Variants in AGR3 observed in about 807,000 individuals in gnomAD.
The protein encoded by AGR3 is anterior gradient protein 3.
AGR3 carries 37 observed loss-of-function variants against 24.5 expected under a neutral mutation model. The ratio of observed to expected loss-of-function variants is 1.51; its 90% CI spans 1.16 to 1.99. The LOEUF (loss-of-function observed/expected upper bound fraction) is 1.99, where lower values mean the gene tolerates loss of function less well. AGR3 is among the 30% of genes most tolerant of loss of function. The probability of loss-of-function intolerance (pLI) is 0.00; values close to 1 mark genes in which losing one functional copy is unlikely to be tolerated. For synonymous variants in AGR3, 75 were observed against 61.6 expected, an observed-to-expected ratio of 1.22 and a Z score of -1.02; for missense variants, 228 against 191.1, an observed-to-expected ratio of 1.19 and a Z score of -1.14.
chr7:16,879,816 A>G (rs891745062), intron 1 of AGR3, among the ~76,000 whole-genome samples: 4 of 152,218 alleles, frequency 2.6e-5, no homozygotes, highest in Non-Finnish European at 5.9e-5. Flanking sequence ...GGCAATTTTA[A>G]TCACCTAGTT....
rs548977586 is a variant in AGR3 at position 16,860,299 on chromosome 7, C to A, written c.451+201G>T. Among the ~76,000 whole-genome samples, 31 of 152,198 alleles carry A rather than the reference C, an allele frequency of 2.0e-4. No homozygotes were observed. The South Asian group carries it at 6.2e-3, about 31-fold the overall frequency. ...GCTCAGAATTTAGTAATCCTAAAAT[C>A]CCTTAGACATCCCTGTTAAAATAGA... On this transcript the variant is annotated intron_variant, in intron 7 of 7. Coordinates refer to ENST00000310398, the MANE Select transcript of AGR3 (RefSeq NM_176813.5).
At chr7:16,863,868 G>A (rs1399555359) in intron 3 of AGR3, among the ~76,000 whole-genome samples, 1 of 151,128 alleles carries the variant, frequency 6.6e-6, no homozygotes, top group Non-Finnish European at 1.5e-5. Context: ...TTTTTTTTAA[G>A]GCACGCAGTT....
At chr7:16,859,315 A>G (rs1477746954), downstream of AGR3, 6 of 337,302 alleles carry the variant, frequency 1.8e-5, no homozygotes, top group Non-Finnish European at 3.2e-5. Context: ...GACAAACTGT[A>G]TAGGCACCTC....
chr7:16,872,073 T>C (rs529975087), intron 3 of AGR3, among the ~76,000 whole-genome samples: 13 of 134,978 alleles, frequency 9.6e-5, no homozygotes, highest in Non-Finnish European at 1.7e-4. Flanking sequence ...AAAATACCAA[T>C]GATATTTTTC....
chr7:16,865,880 T>A, intron 3 of AGR3: 1 of 728,688 alleles, frequency 1.4e-6, no homozygotes. Flanking sequence ...GGTCGTTGTC[T>A]TTCCACATCC....
chr7:16,876,653 A>T (rs910166083), intron 2 of AGR3, among the ~76,000 whole-genome samples: 1 of 152,190 alleles, frequency 6.6e-6, no homozygotes, highest in Non-Finnish European at 1.5e-5. Flanking sequence ...ATGGTAAAAG[A>T]CTTTGCCAAA....
chr7:16,876,028 C>A (rs1781980441), intron 2 of AGR3, among the ~76,000 whole-genome samples: 1 of 152,156 alleles, frequency 6.6e-6, no homozygotes, highest in Non-Finnish European at 1.5e-5. Flanking sequence ...TCTGCTCCTG[C>A]TCAATTTAGT....
At chr7:16,873,643 A>T in intron 3 of AGR3, 137 bp downstream of exon 3, 1 of 657,210 alleles carries the variant, frequency 1.5e-6, no homozygotes, top group Non-Finnish European at 2.6e-6. Flanking sequence ...CAGGTGATGC[A>T]TATGCTAATT....
rs748761542 is a variant in AGR3 at position 16,873,801 on chromosome 7, CCTT to C, written c.149_151del (p.Glu50del). 3.1e-6 allele frequency: 5 copies of C among 1,612,968 alleles called. No homozygotes were observed. In the Admixed American group the frequency reaches 8.3e-5, roughly 27 times the overall value. Reference sequence around the variant, plus strand: ...TTACCTTTTTTGAGCATAAAAGAGACCTTCTTCATAAGTTTGTACCCAAGTGAT... The same window carrying C: ...TTACCTTTTTTGAGCATAAAAGAGACCTTCATAAGTTTGTACCCAAGTGAT... On this transcript the variant is annotated inframe_deletion, in exon 3 of 8. Transcript: ENST00000310398.
chr7:16,877,666 A>G (rs954595840), intron 2 of AGR3, among the ~76,000 whole-genome samples: 2 of 151,938 alleles, frequency 1.3e-5, no homozygotes. Flanking sequence ...GATCGAGACC[A>G]TCCTGGCTAA....
At chr7:16,865,680 G>T (rs944165602) in intron 3 of AGR3, 1 of 803,148 alleles carries the variant, frequency 1.2e-6, no homozygotes, top group Non-Finnish European at 2.3e-6. Context: ...CCAAGCATTT[G>T]TAACTTGTTA....
intron 5 of AGR3, among the ~76,000 whole-genome samples, chr7:16,861,757 T>C (rs71540773): frequency 0.2 from 30,115 of 151,546 alleles, 3,440 homozygotes; most frequent in East Asian, 0.38. Flanking sequence ...AAAAATTAGC[T>C]GGGCATGGTG....
intron 3 of AGR3, among the ~76,000 whole-genome samples, chr7:16,868,291 G>A (rs1450459876): frequency 6.6e-6 from 1 of 152,032 alleles, no homozygotes; most frequent in Non-Finnish European, 1.5e-5. Flanking sequence ...GAGTAGCTGG[G>A]ATTAAAGGCA....
At chr7:16,879,133 A>G (rs867859358) in intron 1 of AGR3, among the ~76,000 whole-genome samples, 8 of 152,244 alleles carry the variant, frequency 5.3e-5, no homozygotes, top group African/African-American at 1.9e-4. Flanking sequence ...TAGAAATCAG[A>G]GGAAAAATAG....
chr7:16,873,108 TA>T (rs1236843153), intron 3 of AGR3, among the ~76,000 whole-genome samples: 1 of 152,014 alleles, frequency 6.6e-6, no homozygotes, highest in African/African-American at 2.4e-5. Context: ...AGTATTTATT[TA>T]AAAAATCAGT....
Position 16,880,090 on chromosome 7 carries a change from T to TCCTTCCTTCCTTCTTTCC in AGR3, c.-27-1446_-27-1445insGGAAAGAAGGAAGGAAGG, listed in dbSNP as rs1554282383. On this transcript the variant is annotated intron_variant, in intron 1 of 7. Coordinates refer to ENST00000310398, the MANE Select transcript of AGR3 (RefSeq NM_176813.5). ...TTCCTTCCCCTTCCTTCTTTCCCCT[T>TCCTTCCTTCCTTCTTTCC]CCTTCCTTCCTTCCTTCTTTCCTTC... is the stretch of plus-strand genomic sequence containing the variant. Among the ~76,000 whole-genome samples, 9 of 96,268 alleles carry TCCTTCCTTCCTTCTTTCC rather than the reference T, an allele frequency of 9.3e-5. 1 individual carries two copies. Among genetic ancestry groups the TCCTTCCTTCCTTCTTTCC allele is most frequent in the African/African-American group, 4.8e-4 (9 of 18,622 alleles). 63.2% of individuals were successfully genotyped at this position (96,268 alleles called of 152,430 possible).
chr7:16,876,341 T>C (rs1213375059), intron 2 of AGR3, among the ~76,000 whole-genome samples: 1 of 152,202 alleles, frequency 6.6e-6, no homozygotes, highest in African/African-American at 2.4e-5. Flanking sequence ...ATTTATTAAA[T>C]ATTTACTATC....
intron 3 of AGR3, among the ~76,000 whole-genome samples, chr7:16,869,070 A>C (rs924974009): frequency 6.6e-6 from 1 of 152,168 alleles, no homozygotes; most frequent in Non-Finnish European, 1.5e-5. Context: ...TTTGGTCTAA[A>C]GTGTAGTTCA....
downstream of AGR3, chr7:16,859,402 A>G: frequency 1.9e-6 from 1 of 532,376 alleles, no homozygotes; most frequent in Non-Finnish European, 3.3e-6. Context: ...ATAAAACTAT[A>G]TTGTCAGTCT....
Sources: allele counts gnomAD v4.1 joint callset (sites outside exome capture counted in the v4.1 genomes callset), GRCh38; gene constraint gnomAD v4.1.1; transcripts MANE v1.5; gene names NCBI Gene and HGNC (gene_info 2026-07-23, HGNC 2026-07-21).